The following MARCHF7 variants were observed in gnomAD, a reference collection of about 807,000 sequenced individuals.
MARCHF7 encodes the protein E3 ubiquitin-protein ligase MARCHF7.
MARCHF7 carries 20 observed loss-of-function variants against 76.5 expected under a neutral mutation model. The ratio of observed to expected loss-of-function variants is 0.26; its 90% CI spans 0.18 to 0.38. MARCHF7 has a LOEUF of 0.38. MARCHF7 is among the 10% of genes least tolerant of loss of function. The pLI, the probability that MARCHF7 is intolerant of heterozygous loss-of-function variation, is 1.00. For synonymous variants in MARCHF7, 295 were observed against 293.0 expected, an observed-to-expected ratio of 1.01 and a Z score of -0.07; for missense variants, 797 against 812.9, an observed-to-expected ratio of 0.98 and a Z score of 0.24.
intron 7 of MARCHF7, 52 bp from the exon 8 acceptor site, chr2:159,752,350 A>G: frequency 6.8e-7 from 1 of 1,466,052 alleles, no homozygotes; most frequent in East Asian, 2.5e-5. Flanking sequence ...TGACTGAAGT[A>G]ACCAACCAGG....
rs1704798271 is a variant in MARCHF7, at chr2:159,745,810, A to G, written c.387A>G (p.Ser129=). Residue 129 remains serine (S), a synonymous_variant, in exon 6 of 12, where the codon TCA becomes TCG. Coordinates refer to ENST00000409175, the MANE Select transcript of MARCHF7 (RefSeq NM_001282805.2). ...WRHSQVPRSS[S]MVLGSFGTDL... ...ATAGTCAAGTTCCTAGATCTTCATC[A>G]ATGGTACTTGGATCATTTGGAACAG... 2.5e-6 allele frequency: 4 copies of G among 1,610,662 alleles called. No homozygotes were observed. The highest frequency in any genetic ancestry group is 3.4e-6 in the Non-Finnish European group (4 of 1,178,638).
At chr2:159,764,218 G>C (rs998591357) in intron 10 of MARCHF7, among the ~76,000 whole-genome samples, 1 of 53,824 alleles carries the variant, frequency 1.9e-5, no homozygotes, top group Non-Finnish European at 5.0e-5. Context: ...AGTTTTGTGT[G>C]TGTGTGTGTG....
chr2:159,734,855 C>T (rs1030948842), intron 4 of MARCHF7, among the ~76,000 whole-genome samples: 1 of 148,490 alleles, frequency 6.7e-6, no homozygotes, highest in Non-Finnish European at 1.5e-5. Context: ...TGGTAGCACA[C>T]ATCTTAGTCC....
At chr2:159,751,663 T>C (rs1032619545) in intron 7 of MARCHF7, among the ~76,000 whole-genome samples, 2 of 152,228 alleles carry the variant, frequency 1.3e-5, no homozygotes, top group Admixed American at 6.5e-5. Context: ...ACCTGTTTCA[T>C]GCCAACAGTG....
intron 3 of MARCHF7, among the ~76,000 whole-genome samples, chr2:159,725,692 C>T (rs1202682328): frequency 6.6e-6 from 1 of 152,190 alleles, no homozygotes; most frequent in Non-Finnish European, 1.5e-5. Flanking sequence ...CTCCCTGCAA[C>T]ATCTTAAAGT....
intron 11 of MARCHF7, among the ~76,000 whole-genome samples, chr2:159,766,704 A>C (rs1707807122): frequency 6.6e-6 from 1 of 152,192 alleles, no homozygotes; most frequent in Admixed American, 6.5e-5. Context: ...TAATCTCAAC[A>C]GTAGGTTTTT....
At chr2:159,739,403 T>G (rs1338461125) in intron 4 of MARCHF7, among the ~76,000 whole-genome samples, 1 of 152,256 alleles carries the variant, frequency 6.6e-6, no homozygotes, top group Non-Finnish European at 1.5e-5. Flanking sequence ...AGTTACTACA[T>G]GATCTATCAG....
At chr2:159,743,451 A>G (rs2125552717) in intron 5 of MARCHF7, among the ~76,000 whole-genome samples, 198 bp downstream of exon 5, 1 of 152,332 alleles carries the variant, frequency 6.6e-6, no homozygotes, top group East Asian at 1.9e-4. Flanking sequence ...TGATATAGAT[A>G]TCCTAAACAG....
chr2:159,727,583 G>A (rs560729230), intron 3 of MARCHF7, among the ~76,000 whole-genome samples: 20 of 151,750 alleles, frequency 1.3e-4, no homozygotes, highest in African/African-American at 2.4e-4. Context: ...GTGAGACTCC[G>A]TCTCAGAAAA....
chr2:159,767,098 TGTG>T (rs1168670716), intron 11 of MARCHF7, among the ~76,000 whole-genome samples, 183 bp from the exon 12 acceptor site: 2 of 152,204 alleles, frequency 1.3e-5, no homozygotes, highest in African/African-American at 4.8e-5. Flanking sequence ...CGGGGAGAAT[TGTG>T]GTTGGGTATC....
chr2:159,727,417 C>G (rs867263783), intron 3 of MARCHF7, among the ~76,000 whole-genome samples: 2 of 152,276 alleles, frequency 1.3e-5, no homozygotes, highest in African/African-American at 4.8e-5. Context: ...GAAACCCCGT[C>G]TCTACTAAAA....
At chr2:159,739,967 A>G (rs761971590) in intron 4 of MARCHF7, among the ~76,000 whole-genome samples, 2 of 152,214 alleles carry the variant, frequency 1.3e-5, no homozygotes, top group African/African-American at 2.4e-5. Context: ...AATGAAATTC[A>G]TTATCTAAAT....
chr2:159,728,979 A>G, intron 3 of MARCHF7, 30 bp from the exon 4 acceptor site: 1 of 1,422,880 alleles, frequency 7.0e-7, no homozygotes, highest in East Asian at 2.4e-5. Flanking sequence ...ATTTTCCCAA[A>G]GGCAATTAAT....
chr2:159,756,003 G>GAACT (rs1429454578), intron 8 of MARCHF7, among the ~76,000 whole-genome samples: 4 of 152,160 alleles, frequency 2.6e-5, no homozygotes, highest in Non-Finnish European at 5.9e-5. Flanking sequence ...GTCTCACCTG[G>GAACT]AACTGCCTTT....
chr2:159,747,823 CTTCATA>C lies in MARCHF7; in HGVS notation c.538_543del (p.Tyr180_Ser181del). The C allele has an allele frequency of 3.2e-6, 5 of 1,583,148 alleles. No individual in the cohort carries two copies. The highest frequency in any genetic ancestry group is 3.4e-6 in the Non-Finnish European group (4 of 1,169,616). On this transcript the variant is annotated inframe_deletion, in exon 7 of 12. Coordinates refer to ENST00000409175, the MANE Select transcript of MARCHF7 (RefSeq NM_001282805.2). ...AAAATAGATGTTCAAGACAGAGTTC[CTTCATA>C]TTCACAAGGAGCAAGACCAAAAGAA...
chr2:159,755,781 T>C (rs56345947), intron 8 of MARCHF7, among the ~76,000 whole-genome samples: 13,226 of 152,198 alleles, frequency 0.087, 633 homozygotes, highest in African/African-American at 0.13. Context: ...TAGACAACTA[T>C]GTTGTGAGGT....
Position 159,767,339 on chromosome 2 carries a change from C to T in MARCHF7, c.2112C>T (p.Ala704=). ...ACCATAACAGGACATTTGATATTGCCTAACTTCATATAAGACAGATGGATG... is the reference window on the plus strand; with the variant it reads ...ACCATAACAGGACATTTGATATTGCTTAACTTCATATAAGACAGATGGATG... ...DGDHNRTFDI[A] is the part of the protein sequence containing the mutation. Residue 704 remains alanine, a synonymous_variant, in exon 12 of 12, where the codon GCC becomes GCT. Coordinates refer to ENST00000409175, the MANE Select transcript of MARCHF7 (RefSeq NM_001282805.2). 6.2e-7 allele frequency: 1 copy of T among 1,607,036 alleles called. No homozygotes were observed. The highest frequency in any genetic ancestry group is 8.5e-7 in the Non-Finnish European group (1 of 1,174,078).
Position 159,759,215 on chromosome 2 carries a change from A to AT in MARCHF7, c.1784-6dup. On this transcript the variant is annotated splice_polypyrimidine_tract_variant and intron_variant, in intron 8 of 11. Coordinates refer to ENST00000409175, the MANE Select transcript of MARCHF7 (RefSeq NM_001282805.2). ...AAAACTAAGCTTTATTTGTAATTTA[A>AT]TTTTTACCAGGTTCTTCATTAGAAG... is the stretch of plus-strand genomic sequence containing the variant. The AT allele has an allele frequency of 6.8e-7, 1 of 1,481,264 alleles. No individual in the cohort carries two copies. Among genetic ancestry groups the AT allele is most frequent in the South Asian group, 1.2e-5 (1 of 83,730 alleles). The allele number at this position is 1,481,264 out of a possible 1,614,324, so 91.8% of individuals were successfully genotyped here. A position where few individuals can be genotyped will look rare whatever the true frequency, so the allele number is the denominator to read the frequency against.
At chr2:159,752,701 G>C (rs1024572851) in intron 8 of MARCHF7, 130 bp downstream of exon 8, 1 of 836,766 alleles carries the variant, frequency 1.2e-6, no homozygotes, top group Non-Finnish European at 1.7e-6. Flanking sequence ...TGAAGTCTCA[G>C]CAGAAGCATT....
Sources: gnomAD v4.1 joint callset for allele counts (sites outside exome capture counted in the v4.1 genomes callset) on GRCh38, gnomAD v4.1.1 for gene constraint, MANE v1.5 for transcripts, NCBI Gene and HGNC (gene_info 2026-07-23, HGNC 2026-07-21) for gene names.